The following SLC6A5 variants were observed in gnomAD, a reference collection of about 807,000 sequenced individuals.
The protein encoded by SLC6A5 is sodium- and chloride-dependent glycine transporter 2.
A neutral mutation model predicts 90.5 loss-of-function variants in SLC6A5; 58 were observed. The observed-to-expected ratio is 0.64, with a 90% confidence interval of 0.52 to 0.80. The LOEUF (loss-of-function observed/expected upper bound fraction) is 0.80, where lower values mean the gene tolerates loss of function less well. Among genes scored for constraint, SLC6A5 ranks in the 30% least tolerant of loss-of-function variants. SLC6A5 has a pLI of 0.00. For synonymous variants in SLC6A5, 427 were observed against 401.4 expected, an observed-to-expected ratio of 1.06 and a Z score of -0.76; for missense variants, 1,015 against 1,017.6, an observed-to-expected ratio of 1.00 and a Z score of 0.03.
chr11:20,616,713 T>G (rs2133786975), intron 6 of SLC6A5, among the ~76,000 whole-genome samples: 1 of 152,250 alleles, frequency 6.6e-6, no homozygotes, highest in Admixed American at 6.5e-5. Flanking sequence ...TGTGCCAGGG[T>G]TTGGGCCTGA....
In SLC6A5 at chr11:20,636,472, C is replaced by T. The variant is rs546995283; in HGVS notation, c.1737+53C>T. 305 of 1,145,598 alleles carry T rather than the reference C, an allele frequency of 2.7e-4. 7 individuals carry two copies. In the South Asian group the frequency reaches 3.7e-3, roughly 14 times the overall value. 71.0% of individuals were successfully genotyped at this position (1,145,598 alleles called of 1,614,324 possible). On this transcript the variant is annotated intron_variant, in intron 11 of 15. Coordinates refer to ENST00000525748, the MANE Select transcript of SLC6A5 (RefSeq NM_004211.5). ...CCCATGCTCCTCTTGAAGACTCCCC[C>T]TCTCCTGGGTCCTGGGTTCACCCTT...
chr11:20,638,603 C>A lies in SLC6A5; in HGVS notation c.1969+45C>A, dbSNP rs72932948. 4 of 1,145,892 alleles carry A rather than the reference C, an allele frequency of 3.5e-6. No individual in the cohort carries two copies. In the South Asian group the frequency reaches 3.7e-5, roughly 11 times the overall value. 71.0% of individuals were successfully genotyped at this position (1,145,892 alleles called of 1,614,324 possible). On this transcript the variant is annotated intron_variant, in intron 13 of 15. Coordinates refer to ENST00000525748, the MANE Select transcript of SLC6A5 (RefSeq NM_004211.5). Reference sequence around the variant, plus strand: ...TGTTGCTGAAGTAGAGCTTGAGTGTCGGTAAGGCATTCATGGCAAGCAGAT... The same window carrying A: ...TGTTGCTGAAGTAGAGCTTGAGTGTAGGTAAGGCATTCATGGCAAGCAGAT...
intron 7 of SLC6A5, 99 bp downstream of exon 7, chr11:20,617,983 GA>G: frequency 8.0e-7 from 1 of 1,251,362 alleles, no homozygotes; most frequent in Non-Finnish European, 1.2e-6. Flanking sequence ...AGGAGCTGTG[GA>G]TGCTAATTCT....
rs1853665434 is a variant in SLC6A5, at chr11:20,658,648, G to A, written c.*3780G>A. ...AAAGGCCAAGTAGTTTTGAAATGTG[G>A]TCTTTGCTCAGGTCACCTCTGAGCA... On this transcript the variant is annotated 3_prime_UTR_variant, in exon 16 of 16. Coordinates refer to ENST00000525748, the MANE Select transcript of SLC6A5 (RefSeq NM_004211.5). 1 of 152,158 alleles carries A rather than the reference G, an allele frequency of 6.6e-6. No homozygotes were observed. Among genetic ancestry groups the A allele is most frequent in the African/African-American group, 2.4e-5 (1 of 41,438 alleles). The allele number at this position is 152,158 out of a possible 1,614,324, so 9.4% of individuals were successfully genotyped here. A position where few individuals can be genotyped will look rare whatever the true frequency, so the allele number is the denominator to read the frequency against.
Position 20,654,881 on chromosome 11 carries a change from G to T in SLC6A5, c.*13G>T. The T allele has an allele frequency of 6.2e-7, 1 of 1,613,764 alleles. No individual in the cohort carries two copies. The highest frequency in any genetic ancestry group is 2.2e-5 in the East Asian group (1 of 44,876). Reference sequence around the variant, plus strand: ...CACTCAGTGCTAGTCCAGTGGTGTGGGATGGTCCAGACTTGATCCTGTTTT... The same window carrying T: ...CACTCAGTGCTAGTCCAGTGGTGTGTGATGGTCCAGACTTGATCCTGTTTT... On this transcript the variant is annotated 3_prime_UTR_variant, in exon 16 of 16. Coordinates refer to ENST00000525748, the MANE Select transcript of SLC6A5 (RefSeq NM_004211.5).
At chr11:20,631,130 G>A (rs1853102086) in intron 10 of SLC6A5, among the ~76,000 whole-genome samples, 1 of 152,224 alleles carries the variant, frequency 6.6e-6, no homozygotes, top group South Asian at 2.1e-4. Context: ...TTAGGTATGA[G>A]TAGAGAATTT....
intron 5 of SLC6A5, among the ~76,000 whole-genome samples, chr11:20,611,855 C>A (rs1002852418): frequency 6.6e-6 from 1 of 151,772 alleles, no homozygotes. Context: ...AGCACATGAG[C>A]GTGTTCTGTT....
At chr11:20,627,674 T>C (rs1853024739) in intron 8 of SLC6A5, among the ~76,000 whole-genome samples, 3 of 152,202 alleles carry the variant, frequency 2.0e-5, no homozygotes, top group Admixed American at 1.3e-4. Flanking sequence ...TCTGAGAGTG[T>C]ATTGACCTAA....
intron 7 of SLC6A5, among the ~76,000 whole-genome samples, chr11:20,623,511 T>A (rs2133794438): frequency 6.6e-6 from 1 of 152,308 alleles, no homozygotes; most frequent in Non-Finnish European, 1.5e-5. Flanking sequence ...TGCTGTGGCC[T>A]CCTTACTGTT....
Position 20,627,995 on chromosome 11 carries a change from G to A in SLC6A5, c.1411G>A (p.Ala471Thr), listed in dbSNP as rs1853033267. 1.2e-6 allele frequency: 2 copies of A among 1,613,996 alleles called. No homozygotes were observed. Among genetic ancestry groups the A allele is most frequent in the South Asian group, 1.1e-5 (1 of 91,072 alleles). ...TGCCTCTCAGGTGTGGAAAGATGCTGCCACTCAGATTTTCTTCTCTTTATC... is the reference window on the plus strand; with the variant it reads ...TGCCTCTCAGGTGTGGAAAGATGCTACCACTCAGATTTTCTTCTCTTTATC... ...LTDATVWKDAATQIFFSLSAA... is the reference protein window; with the variant it reads ...LTDATVWKDATTQIFFSLSAA... Residue 471 changes from alanine (A) to threonine (T), a missense_variant, in exon 9 of 16, where the codon GCC becomes ACC. Coordinates refer to ENST00000525748, the MANE Select transcript of SLC6A5 (RefSeq NM_004211.5).
intron 12 of SLC6A5, among the ~76,000 whole-genome samples, chr11:20,637,682 C>T (rs1315793245): frequency 6.6e-6 from 1 of 152,088 alleles, no homozygotes; most frequent in African/African-American, 2.4e-5. Context: ...TGTGAATAGC[C>T]ACTATACTCC....
intron 3 of SLC6A5, among the ~76,000 whole-genome samples, chr11:20,605,140 C>G (rs908842906): frequency 6.6e-6 from 1 of 152,146 alleles, no homozygotes. Flanking sequence ...CTGGCACATT[C>G]ACGATCCCTC....
chr11:20,635,077 A>G (rs746389851), intron 10 of SLC6A5, among the ~76,000 whole-genome samples: 3 of 152,100 alleles, frequency 2.0e-5, no homozygotes, highest in Non-Finnish European at 4.4e-5. Flanking sequence ...GACCACATGA[A>G]GTGTTCTAGA....
chr11:20,600,405 GAAGA>G (rs1852445547), intron 1 of SLC6A5, among the ~76,000 whole-genome samples: 2 of 137,566 alleles, frequency 1.5e-5, no homozygotes, highest in Non-Finnish European at 3.2e-5. Flanking sequence ...AGAAGAAGAA[GAAGA>G]AGACCTAAAC....
intron 8 of SLC6A5, among the ~76,000 whole-genome samples, chr11:20,627,528 A>G (rs1853021068): frequency 1.3e-5 from 2 of 152,220 alleles, no homozygotes; most frequent in African/African-American, 4.8e-5. Flanking sequence ...CTGCAGCGGC[A>G]TAGAGGTTGC....
rs1184732271 is a variant in SLC6A5, at chr11:20,646,816, C to T, written c.1970-18C>T. On this transcript the variant is annotated intron_variant, in intron 13 of 15. Transcript: ENST00000525748. ...TGCTACTGTGCCTTATACCTGTTCT[C>T]TGCTTGTCTATTTGCAGGCTTGCAA... The T allele has an allele frequency of 3.8e-6, 6 of 1,572,492 alleles. No individual in the cohort carries two copies. Among genetic ancestry groups the T allele is most frequent in the East Asian group, 2.2e-5 (1 of 44,634 alleles).
chr11:20,657,065 C>T lies in SLC6A5; in HGVS notation c.*2197C>T, dbSNP rs1202011701. The T allele has an allele frequency of 1.3e-5, 2 of 152,168 alleles. No homozygotes were observed. Among genetic ancestry groups the T allele is most frequent in the South Asian group, 2.1e-4 (1 of 4,824 alleles). The allele number at this position is 152,168 out of a possible 1,614,324, so 9.4% of individuals were successfully genotyped here. A position where few individuals can be genotyped will look rare whatever the true frequency, so the allele number is the denominator to read the frequency against. ...GAGCTTAAATCAATTAGCATTCTCTCATGGGACTGGTATGTTTGTGTCAGG... is the reference window on the plus strand; with the variant it reads ...GAGCTTAAATCAATTAGCATTCTCTTATGGGACTGGTATGTTTGTGTCAGG... On this transcript the variant is annotated 3_prime_UTR_variant, in exon 16 of 16. Coordinates refer to ENST00000525748, the MANE Select transcript of SLC6A5 (RefSeq NM_004211.5).
chr11:20,636,553 T>A, intron 11 of SLC6A5, 134 bp downstream of exon 11: 1 of 717,010 alleles, frequency 1.4e-6, no homozygotes, highest in Non-Finnish European at 2.6e-6. Context: ...GATCTAGAGA[T>A]GCTGAAGTGC....
Position 20,617,791 on chromosome 11 carries a change from T to C in SLC6A5, c.1167T>C (p.Pro389=). The change falls in exon 7 of 16, where the codon CCT becomes CCC. Residue 389 remains proline, a synonymous_variant. Coordinates refer to ENST00000525748, the MANE Select transcript of SLC6A5 (RefSeq NM_004211.5). ...AGATTTCTGCAGGGATTGAATATCC[T>C]GGCGAGATCAGGTGGCCACTAGCTC... ...VLKISAGIEY[P]GEIRWPLALC... is the part of the protein sequence containing the mutation. The C allele has an allele frequency of 1.2e-6, 2 of 1,614,210 alleles. No individual in the cohort carries two copies. The highest frequency in any genetic ancestry group is 8.5e-7 in the Non-Finnish European group (1 of 1,180,032).
Sources: gnomAD v4.1 joint callset for allele counts (sites outside exome capture counted in the v4.1 genomes callset) on GRCh38, gnomAD v4.1.1 for gene constraint, MANE v1.5 for transcripts, NCBI Gene and HGNC (gene_info 2026-07-23, HGNC 2026-07-21) for gene names.